The following TRAPPC2L variants were observed in gnomAD, a reference collection of about 807,000 sequenced individuals.
The protein encoded by TRAPPC2L is trafficking protein particle complex subunit 2-like protein.
TRAPPC2L carries 17 observed loss-of-function variants against 13.2 expected under a neutral mutation model. That is an observed-to-expected ratio of 1.29 (90% confidence interval 0.88 to 1.93). TRAPPC2L has a LOEUF of 1.93. TRAPPC2L is among the 30% of genes most tolerant of loss of function. The pLI is 0.00. For missense variants in TRAPPC2L, 359 were observed against 252.1 expected (o/e 1.42, Z -2.87); for synonymous variants, 150 against 98.1 (o/e 1.53, Z -3.12).
Position 88,859,002 on chromosome 16 carries a change from G to T in TRAPPC2L, c.206+211G>T, listed in dbSNP as rs1968189315. ...AAAAGCAAGGCTAGAATTCCCCGTA[G>T]AATGTTTTGGTTTGCACGTGTCCGT... On this transcript the variant is annotated intron_variant, in intron 2 of 3. Transcript: ENST00000565504. 3 of 590,586 alleles carry T rather than the reference G, an allele frequency of 5.1e-6. No individual in the cohort carries two copies. In the African/African-American group the frequency reaches 5.6e-5, roughly 11 times the overall value. 36.6% of individuals were successfully genotyped at this position (590,586 alleles called of 1,614,324 possible).
rs753264810 is a variant in TRAPPC2L at position 88,858,605 on chromosome 16, A to G, written c.34-14A>G. ...GAGTCTTGTCCTTTCAGTCGCCGTC[A>G]TCCTTTCTTGCAGAATTACCCCCTC... On this transcript the variant is annotated splice_polypyrimidine_tract_variant and intron_variant, in intron 1 of 3. Coordinates refer to ENST00000565504, the Ensembl canonical transcript of TRAPPC2L. 2 of 1,610,882 alleles carry G rather than the reference A, an allele frequency of 1.2e-6. No homozygotes were observed. The highest frequency in any genetic ancestry group is 1.7e-6 in the Non-Finnish European group (2 of 1,178,532).
At chr16:88,861,603 T>G in exon 4 of TRAPPC2L, 1 of 482,118 alleles carries the variant, frequency 2.1e-6, no homozygotes, top group Non-Finnish European at 4.3e-6. Flanking sequence ...TGCCTGTTGG[T>G]GCTGAGGGGG....
At chr16:88,856,860 C>G, upstream of TRAPPC2L, 1 of 1,509,988 alleles carries the variant, frequency 6.6e-7, no homozygotes, top group Non-Finnish European at 8.8e-7. Flanking sequence ...ACCTCGTCGC[C>G]GCGACAACCG....
At chr16:88,857,205 C>A in intron 1 of TRAPPC2L, 22 bp downstream of exon 1, 1 of 1,546,366 alleles carries the variant, frequency 6.5e-7, no homozygotes. Flanking sequence ...CGGCGTGGGG[C>A]GTCCGGGCTC....
At chr16:88,861,656 G>T (rs768553275) in exon 4 of TRAPPC2L, 1 of 499,920 alleles carries the variant, frequency 2.0e-6, no homozygotes, top group South Asian at 1.5e-5. Flanking sequence ...CTACCACCCA[G>T]GGCAGCGGCC....
chr16:88,860,672 C>T, exon 4 of TRAPPC2L: 1 of 603,432 alleles, frequency 1.7e-6, no homozygotes. Context: ...GCCCATGCTG[C>T]TCCCTCCTCC....
At chr16:88,857,118 C>T, upstream of TRAPPC2L, 1 of 1,536,550 alleles carries the variant, frequency 6.5e-7, no homozygotes. Flanking sequence ...CGGCGGGTCA[C>T]GTGACGCGGT....
At chr16:88,856,228 G>C, upstream of TRAPPC2L, 1 of 703,056 alleles carries the variant, frequency 1.4e-6, no homozygotes, top group Non-Finnish European at 2.6e-6. Context: ...ATTCTCCAGA[G>C]GACAGAGACA....
At position 88,859,786 on chromosome 16, in the gene TRAPPC2L, G is replaced by A. The variant is rs111744425; in HGVS notation, c.294+36G>A. On this transcript the variant is annotated intron_variant, in intron 3 of 3. Coordinates refer to ENST00000565504, the Ensembl canonical transcript of TRAPPC2L. ...GAGTTAGAGGGCCACGCCCGAGTGG[G>A]TGTTTTGTTTTTCCTTTTTGACTTT... 9.0e-4 allele frequency: 1,437 copies of A among 1,595,594 alleles called. 9 individuals carry two copies. In the African/African-American group the frequency reaches 0.017, roughly 18 times the overall value.
chr16:88,856,279 G>A (rs1279423486), upstream of TRAPPC2L: 1 of 702,912 alleles, frequency 1.4e-6, no homozygotes, highest in Non-Finnish European at 2.6e-6. Context: ...GGACCCGGCG[G>A]CCCGAGGTGG....
chr16:88,857,111 C>T (rs556364303), upstream of TRAPPC2L: 1 of 1,531,974 alleles, frequency 6.5e-7, no homozygotes, highest in Non-Finnish European at 8.7e-7. Flanking sequence ...TGACCAGCGG[C>T]GGGTCACGTG....
In TRAPPC2L at chr16:88,859,922, A is replaced by G. The variant is rs1242313604; in HGVS notation, c.324A>G (p.Thr108=). The G allele has an allele frequency of 8.2e-6, 13 of 1,581,276 alleles. No individual in the cohort carries two copies. The East Asian group carries it at 3.0e-4, about 36-fold the overall frequency. Residue 108 remains threonine, a synonymous_variant, in exon 4 of 4, where the codon ACA becomes ACG. Transcript: ENST00000565504. The stretch of plus-strand genomic sequence containing the variant: ...TCCGGAAGCTACACAACTCCTACAC[A>G]GACGTGATGTGCAACCCCTTCTACA...
At chr16:88,857,667 C>T (rs954236293) in intron 1 of TRAPPC2L, among the ~76,000 whole-genome samples, 6 of 152,234 alleles carry the variant, frequency 3.9e-5, no homozygotes, top group East Asian at 3.8e-4. Flanking sequence ...GCTCTGGGAT[C>T]CTTTCCCCCC....
Position 88,861,010 on chromosome 16 carries a change from G to T in TRAPPC2L, c.*686G>T, listed in dbSNP as rs375869560. The T allele has an allele frequency of 1.8e-4, 274 of 1,543,116 alleles. 7 individuals carry two copies. In the South Asian group the frequency reaches 3.1e-3, roughly 17 times the overall value. The stretch of plus-strand genomic sequence containing the variant: ...GAGGAGCCCGCGCACGACTGTGGTG[G>T]GGCCGTCGGTCTGTTCTGGTTGCCT... On this transcript the variant is annotated 3_prime_UTR_variant, in exon 4 of 4. Transcript: ENST00000565504.
exon 4 of TRAPPC2L, chr16:88,862,618 A>G (rs1968463789): frequency 6.6e-6 from 1 of 152,224 alleles, no homozygotes; most frequent in South Asian, 2.1e-4. Flanking sequence ...CCAGCCCCAG[A>G]CTACTTAAAT....
chr16:88,861,679 G>A (rs1279113843), exon 4 of TRAPPC2L: 1 of 488,736 alleles, frequency 2.0e-6, no homozygotes, highest in Non-Finnish European at 4.2e-6. Context: ...GCCCATAGTG[G>A]CGTCAGTGCC....
intron 2 of TRAPPC2L, chr16:88,859,361 G>T (rs1416543586): frequency 1.5e-6 from 1 of 688,898 alleles, no homozygotes. Context: ...TTCCGGGCCA[G>T]GCATTGATTC....
chr16:88,858,722 T>C, exon 2 of TRAPPC2L: 1 of 1,613,564 alleles, frequency 6.2e-7, no homozygotes, highest in Non-Finnish European at 8.5e-7. Flanking sequence ...ATCTCCGCAA[T>C]GGGGAAGGCC....
upstream of TRAPPC2L, chr16:88,856,649 A>G: frequency 3.9e-6 from 1 of 255,262 alleles, no homozygotes. Context: ...GCCTCCCCTC[A>G]CCTCTCCCCC....
Sources: gnomAD v4.1 joint callset for allele counts (sites outside exome capture counted in the v4.1 genomes callset) on GRCh38, gnomAD v4.1.1 for gene constraint, MANE v1.5 for transcripts, NCBI Gene and HGNC (gene_info 2026-07-23, HGNC 2026-07-21) for gene names.